The following TENM2 variants were observed in gnomAD, a reference collection of about 807,000 sequenced individuals.
The protein encoded by TENM2 is teneurin-2.
TENM2 carries 52 observed loss-of-function variants against 245.2 expected under a neutral mutation model. The ratio of observed to expected loss-of-function variants is 0.21; its 90% CI spans 0.17 to 0.27. TENM2 has a LOEUF of 0.27. Ranked by LOEUF, TENM2 falls within the 10% of genes least tolerant of loss-of-function variation. The probability of loss-of-function intolerance (pLI) is 1.00; values close to 1 mark genes in which losing one functional copy is unlikely to be tolerated. For missense variants in TENM2, 3,046 were observed against 3,666.8 expected, an observed-to-expected ratio of 0.83 and a Z score of 4.37; for synonymous variants, 1,363 against 1,438.9, an observed-to-expected ratio of 0.95 and a Z score of 1.19.
the TENM2 span, among the ~76,000 whole-genome samples, chr5:167,222,664 A>T: frequency 1.6e-4 from 25 of 152,188 alleles, no homozygotes; most frequent in Admixed American, 1.6e-3. Context: ...GCTGCTCGGA[A>T]ACATGCACAA....
chr5:167,685,472 T>C (rs952595912), intron 2 of TENM2, among the ~76,000 whole-genome samples: 6 of 152,128 alleles, frequency 3.9e-5, no homozygotes, highest in Non-Finnish European at 7.4e-5. Context: ...TACTCTTTCC[T>C]AAAGAATCCC....
chr5:167,693,991 C>T (rs1757599298), intron 2 of TENM2, among the ~76,000 whole-genome samples: 1 of 152,298 alleles, frequency 6.6e-6, no homozygotes. Context: ...GCACAACAGA[C>T]TAATTGATTG....
intron 1 of TENM2, among the ~76,000 whole-genome samples, chr5:167,354,231 G>A (rs1197715235): frequency 6.6e-6 from 1 of 152,206 alleles, no homozygotes; most frequent in African/African-American, 2.4e-5. Flanking sequence ...CACAGTTCCT[G>A]AGACCAAGGG....
intron 1 of TENM2, among the ~76,000 whole-genome samples, chr5:167,365,936 C>A (rs569832194): frequency 1.3e-5 from 2 of 151,544 alleles, no homozygotes; most frequent in African/African-American, 2.4e-5. Flanking sequence ...AGAAGAATGG[C>A]TGAACATTAA....
chr5:167,922,381 C>A (rs187661889), intron 3 of TENM2, among the ~76,000 whole-genome samples: 21 of 141,710 alleles, frequency 1.5e-4, no homozygotes, highest in African/African-American at 6.1e-4. Context: ...TCTCCCTTTT[C>A]CAGCCCCTCT....
intron 2 of TENM2, among the ~76,000 whole-genome samples, chr5:167,704,917 A>G (rs1758402521): frequency 6.6e-6 from 1 of 152,138 alleles, no homozygotes; most frequent in African/African-American, 2.4e-5. Context: ...AGTGTGTGTA[A>G]TAGAGGTAGA....
chr5:168,167,778 G>A (rs969680274), intron 13 of TENM2, among the ~76,000 whole-genome samples: 11 of 152,104 alleles, frequency 7.2e-5, no homozygotes, highest in Admixed American at 2.0e-4. Context: ...TTCCAGCTCT[G>A]CAAGTCACTT....
exon 25 of TENM2, chr5:168,227,923 T>C (rs1764378995): frequency 6.2e-7 from 1 of 1,611,496 alleles, no homozygotes; most frequent in Admixed American, 1.7e-5. Context: ...ACCAGCTCTG[T>C]AATAATGGTA....
At chr5:167,440,716 C>T (rs1468236077) in intron 2 of TENM2, among the ~76,000 whole-genome samples, 1 of 151,964 alleles carries the variant, frequency 6.6e-6, no homozygotes, top group Non-Finnish European at 1.5e-5. Flanking sequence ...CAGTCTCCCC[C>T]CATCCTCTCT....
chr5:167,092,365 ATATCACTTTAATTAT>A, the TENM2 span, among the ~76,000 whole-genome samples: 1 of 152,142 alleles, frequency 6.6e-6, no homozygotes, highest in East Asian at 1.9e-4. Context: ...AAAACCTACA[ATATCACTTTAATTAT>A]TAATTGAAAA....
chr5:168,006,544 T>C (rs1028872712), intron 5 of TENM2, among the ~76,000 whole-genome samples: 1 of 152,328 alleles, frequency 6.6e-6, no homozygotes, highest in African/African-American at 2.4e-5. Flanking sequence ...TAATTCCAAA[T>C]ACTAACTGGG....
intron 2 of TENM2, among the ~76,000 whole-genome samples, chr5:167,498,998 A>C (rs965153842): frequency 2.0e-5 from 3 of 152,108 alleles, no homozygotes; most frequent in African/African-American, 7.2e-5. Context: ...TGTAACATAT[A>C]CCAAAATATG....
intron 1 of TENM2, among the ~76,000 whole-genome samples, chr5:167,310,080 C>A (rs552877931): frequency 6.6e-6 from 1 of 152,116 alleles, no homozygotes; most frequent in African/African-American, 2.4e-5. Flanking sequence ...TGAATGTAGA[C>A]CATATTGGAA....
chr5:168,181,669 C>CTTTTTTTT (rs36042366), intron 13 of TENM2, among the ~76,000 whole-genome samples: 2 of 78,860 alleles, frequency 2.5e-5, no homozygotes, highest in Non-Finnish European at 4.7e-5. Context: ...AGTTTTACTT[C>CTTTTTTTT]TTTTTTTTTT....
the TENM2 span, among the ~76,000 whole-genome samples, chr5:167,108,959 A>G: frequency 1.3e-5 from 2 of 152,328 alleles, no homozygotes; most frequent in African/African-American, 2.4e-5. Flanking sequence ...GGAGTCTACA[A>G]CAGAATTACA....
the TENM2 span, among the ~76,000 whole-genome samples, chr5:167,136,229 T>C: frequency 6.6e-6 from 1 of 152,212 alleles, no homozygotes; most frequent in Admixed American, 6.5e-5. Flanking sequence ...GGTTCTATTC[T>C]CACTTTCTCC....
At chr5:167,435,775 A>G (rs1764515216) in intron 2 of TENM2, among the ~76,000 whole-genome samples, 1 of 152,046 alleles carries the variant, frequency 6.6e-6, no homozygotes, top group Non-Finnish European at 1.5e-5. Flanking sequence ...TGATAATGAT[A>G]TGGACAATAA....
intron 13 of TENM2, among the ~76,000 whole-genome samples, chr5:168,166,243 A>G (rs1758296040): frequency 6.6e-6 from 1 of 152,190 alleles, no homozygotes; most frequent in South Asian, 2.1e-4. Context: ...GAGCAGCAGC[A>G]ATGAACACAT....
the TENM2 span, among the ~76,000 whole-genome samples, chr5:167,229,651 C>A: frequency 1.3e-5 from 2 of 152,106 alleles, no homozygotes; most frequent in African/African-American, 4.8e-5. Context: ...GATGCCACTG[C>A]GGGTAGACTG....
Sources: allele counts gnomAD v4.1 joint callset (sites outside exome capture counted in the v4.1 genomes callset), GRCh38; gene constraint gnomAD v4.1.1; transcripts MANE v1.5; gene names NCBI Gene and HGNC (gene_info 2026-07-23, HGNC 2026-07-21).